Variants in FGF1 observed in about 807,000 individuals in gnomAD.
The protein encoded by FGF1 is beta-endothelial cell growth factor.
A neutral mutation model predicts 13.4 loss-of-function variants in FGF1; 9 were observed. That is an observed-to-expected ratio of 0.67 (90% CI 0.40 to 1.17). The LOEUF is 1.17. FGF1 is among the 50% of genes most tolerant of loss of function. The pLI is 0.01. For synonymous variants in FGF1, 93 were observed against 79.0 expected, an observed-to-expected ratio of 1.18 and a Z score of -0.94; for missense variants, 156 against 192.7, an observed-to-expected ratio of 0.81 and a Z score of 1.13.
intron 1 of FGF1, among the ~76,000 whole-genome samples, chr5:142,682,202 C>T (rs1773845785): frequency 6.6e-6 from 1 of 152,052 alleles, no homozygotes. Flanking sequence ...TCTCCTGCCT[C>T]AGCCTCCCAA....
chr5:142,617,344 G>A (rs984467657), intron 1 of FGF1, among the ~76,000 whole-genome samples: 21 of 151,758 alleles, frequency 1.4e-4, no homozygotes, highest in Admixed American at 4.6e-4. Context: ...CAGCCTGGGC[G>A]ACAGAGCGAG....
Position 142,595,235 on chromosome 5 carries a change from A to G in FGF1, c.*55T>C. ...TCAAGGGAACATTTTTGGGTCAACCAGGTGAGGACCCCTCGAAACTTCTCT... is the reference window on the plus strand; with the variant it reads ...TCAAGGGAACATTTTTGGGTCAACCGGGTGAGGACCCCTCGAAACTTCTCT... On this transcript the variant is annotated 3_prime_UTR_variant, in exon 4 of 4. Transcript: ENST00000337706. The G allele has an allele frequency of 6.7e-7, 1 of 1,491,834 alleles. No homozygotes were observed. Among genetic ancestry groups the G allele is most frequent in the Non-Finnish European group, 9.1e-7 (1 of 1,094,198 alleles). The allele number at this position is 1,491,834 out of a possible 1,614,324, so 92.4% of individuals were successfully genotyped here.
At chr5:142,601,134 A>G (rs1313906536) in intron 2 of FGF1, 1 of 525,742 alleles carries the variant, frequency 1.9e-6, no homozygotes, top group South Asian at 1.4e-5. Context: ...TAGGAAAATA[A>G]TCACAGGAGG....
chr5:142,622,599 G>A (rs1266787677), intron 1 of FGF1, among the ~76,000 whole-genome samples: 4 of 152,186 alleles, frequency 2.6e-5, no homozygotes, highest in African/African-American at 4.8e-5. Context: ...AGCTCCTTTA[G>A]TCTCAAGTCT....
At chr5:142,694,029 GT>G (rs113510424) in intron 2 of FGF1, among the ~76,000 whole-genome samples, 14 of 144,336 alleles carry the variant, frequency 9.7e-5, no homozygotes, top group South Asian at 2.2e-4. Flanking sequence ...GTCTAGCAGT[GT>G]TTTTTTTTTC....
chr5:142,628,205 T>C (rs1054219029), intron 1 of FGF1, among the ~76,000 whole-genome samples: 32 of 152,268 alleles, frequency 2.1e-4, no homozygotes, highest in African/African-American at 7.2e-4. Context: ...AGGTGCACAT[T>C]GCAGTCAAGA....
intron 1 of FGF1, among the ~76,000 whole-genome samples, chr5:142,617,792 G>C (rs1760575284): frequency 6.6e-6 from 1 of 152,140 alleles, no homozygotes; most frequent in Admixed American, 6.5e-5. Flanking sequence ...GGCATGAAAA[G>C]CCCTTATTTT....
chr5:142,598,877 A>G (rs1008506980), intron 3 of FGF1, among the ~76,000 whole-genome samples: 6 of 152,310 alleles, frequency 3.9e-5, no homozygotes, highest in Admixed American at 1.3e-4. Context: ...ATATTTTTAT[A>G]TAAGTGAAAG....
intron 1 of FGF1, among the ~76,000 whole-genome samples, chr5:142,650,248 C>G (rs370824372): frequency 6.6e-6 from 1 of 152,116 alleles, no homozygotes; most frequent in African/African-American, 2.4e-5. Context: ...CATGCTAGGG[C>G]GTGACATTTG....
At chr5:142,631,886 C>T (rs374064814) in intron 1 of FGF1, among the ~76,000 whole-genome samples, 46 of 147,744 alleles carry the variant, frequency 3.1e-4, no homozygotes, top group Admixed American at 2.1e-3. Flanking sequence ...TGGGTTCAAG[C>T]GATTCTCCTG....
At chr5:142,608,752 T>C (rs969878937) in intron 2 of FGF1, among the ~76,000 whole-genome samples, 7 of 144,302 alleles carry the variant, frequency 4.9e-5, no homozygotes, top group African/African-American at 1.8e-4. Context: ...ATATATAGTA[T>C]ATATACACAT....
At chr5:142,607,083 T>C (rs1204952411) in intron 2 of FGF1, among the ~76,000 whole-genome samples, 1 of 152,134 alleles carries the variant, frequency 6.6e-6, no homozygotes, top group Non-Finnish European at 1.5e-5. Flanking sequence ...TGGCCAAGAC[T>C]CCCACTTTTT....
At chr5:142,695,613 A>G (rs182696762) in intron 2 of FGF1, among the ~76,000 whole-genome samples, 1 of 151,966 alleles carries the variant, frequency 6.6e-6, no homozygotes, top group African/African-American at 2.4e-5. Flanking sequence ...AAGAAAAAGA[A>G]AAAAGAATTA....
intron 1 of FGF1, among the ~76,000 whole-genome samples, chr5:142,628,070 C>T (rs1485645196): frequency 2.0e-5 from 3 of 152,100 alleles, no homozygotes; most frequent in Non-Finnish European, 4.4e-5. Flanking sequence ...GAGAACATCA[C>T]CAAAGGCCCC....
At position 142,640,429 on chromosome 5, in the gene FGF1, G is replaced by T. The variant is rs978320707; in HGVS notation, c.-34-26268C>A. On this transcript the variant is annotated intron_variant, in intron 1 of 3. Transcript: ENST00000337706. ...TGCACCAGGAGGTGGAGTATGGTGG[G>T]GGGGGGGGTCTCTCTGAGAAGCGGC... 6.5e-4 allele frequency among the ~76,000 whole-genome samples: 98 copies of T among 150,154 alleles called. 3 individuals are homozygous for T. The highest frequency in any genetic ancestry group is 2.3e-3 in the African/African-American group (93 of 40,658).
rs768317949 is a variant in FGF1 at position 142,683,821 on chromosome 5, CAAAAAAAAAAAA to C, written c.-35+2124_-35+2135del. ...GAGCAACAAGAGTGAAACTCTGTCT[CAAAAAAAAAAAA>C]AAAAAAAAAAGGAAAAGAAAATTAA... On this transcript the variant is annotated intron_variant, in intron 1 of 3. Coordinates refer to ENST00000337706, the MANE Select transcript of FGF1 (RefSeq NM_000800.5). 1.2e-4 allele frequency among the ~76,000 whole-genome samples: 6 copies of C among 49,750 alleles called. No homozygotes were observed. The South Asian group carries it at 3.5e-3, about 29-fold the overall frequency. The allele number at this position is 49,750 out of a possible 152,430, so 32.6% of individuals were successfully genotyped here. A position where few individuals can be genotyped will look rare whatever the true frequency, so the allele number is the denominator to read the frequency against.
chr5:142,667,601 A>G (rs557893947), intron 1 of FGF1, among the ~76,000 whole-genome samples: 15 of 151,940 alleles, frequency 9.9e-5, no homozygotes, highest in South Asian at 2.1e-4. Context: ...AAAAAAAAAA[A>G]AAAGAAAGAA....
chr5:142,651,105 G>A (rs1561669724), intron 1 of FGF1, among the ~76,000 whole-genome samples: 1 of 152,012 alleles, frequency 6.6e-6, no homozygotes, highest in Non-Finnish European at 1.5e-5. Context: ...TGCGAGGGCT[G>A]GGGATCCTGC....
At chr5:142,676,331 C>T (rs1027670990) in intron 1 of FGF1, among the ~76,000 whole-genome samples, 3 of 152,224 alleles carry the variant, frequency 2.0e-5, no homozygotes, top group East Asian at 1.9e-4. Context: ...AGGCACTCTA[C>T]GTGGATTCTC....
Sources: gnomAD v4.1 joint callset for allele counts (sites outside exome capture counted in the v4.1 genomes callset) on GRCh38, gnomAD v4.1.1 for gene constraint, MANE v1.5 for transcripts, NCBI Gene and HGNC (gene_info 2026-07-23, HGNC 2026-07-21) for gene names.